The following LRRC69 variants were observed in gnomAD, a reference collection of about 807,000 sequenced individuals.
The protein encoded by LRRC69 is leucine-rich repeat-containing protein 69.
Under a neutral mutation model 37.8 loss-of-function variants are expected in LRRC69, and 42 were observed. That is an observed-to-expected ratio of 1.11 (90% CI 0.87 to 1.44). LRRC69 has a LOEUF of 1.44. Ranked by LOEUF, LRRC69 falls within the 40% of genes most tolerant of loss-of-function variation. The pLI is 0.00. For synonymous variants in LRRC69, 141 were observed against 143.1 expected (o/e 0.99, Z 0.11); for missense variants, 357 against 401.9 (o/e 0.89, Z 0.96).
intron 5 of LRRC69, among the ~76,000 whole-genome samples, chr8:91,143,453 C>T (rs1238814688): frequency 1.3e-5 from 2 of 152,016 alleles, no homozygotes; most frequent in African/African-American, 4.8e-5. Context: ...TCACTGCTTT[C>T]TTTCAGTTTC....
intron 4 of LRRC69, among the ~76,000 whole-genome samples, chr8:91,134,670 A>G (rs531909750): frequency 1.3e-5 from 2 of 152,022 alleles, no homozygotes; most frequent in Non-Finnish European, 2.9e-5. Context: ...GTTGACACCT[A>G]AAATTAACCA....
At chr8:91,191,818 G>A (rs1809500422) in intron 6 of LRRC69, among the ~76,000 whole-genome samples, 1 of 151,974 alleles carries the variant, frequency 6.6e-6, no homozygotes, top group Admixed American at 6.6e-5. Context: ...AGAACTGTTG[G>A]GTCCAGGAGC....
intron 5 of LRRC69, among the ~76,000 whole-genome samples, chr8:91,175,086 A>G (rs912613915): frequency 2.0e-5 from 3 of 152,148 alleles, no homozygotes; most frequent in African/African-American, 7.2e-5. Flanking sequence ...ATTCTATGAC[A>G]TGTTGAAATT....
At chr8:91,111,623 G>T (rs1215113482) in intron 1 of LRRC69, among the ~76,000 whole-genome samples, 1 of 151,980 alleles carries the variant, frequency 6.6e-6, no homozygotes, top group African/African-American at 2.4e-5. Context: ...GCAAACTAAT[G>T]CAGGAATGGA....
intron 7 of LRRC69, among the ~76,000 whole-genome samples, chr8:91,214,531 A>G (rs375677258): frequency 2.6e-5 from 4 of 152,180 alleles, no homozygotes; most frequent in East Asian, 1.9e-4. Context: ...ACACTAAGCT[A>G]TAATTTAGTG....
At chr8:91,162,925 T>G (rs901936447) in intron 5 of LRRC69, among the ~76,000 whole-genome samples, 2 of 151,400 alleles carry the variant, frequency 1.3e-5, no homozygotes, top group Non-Finnish European at 3.0e-5. Context: ...CCCATTAGAT[T>G]ATGTATTTCA....
At chr8:91,119,077 G>A (rs866204416) in intron 1 of LRRC69, among the ~76,000 whole-genome samples, 2 of 152,000 alleles carry the variant, frequency 1.3e-5, no homozygotes, top group African/African-American at 4.8e-5. Context: ...CAACATAGAA[G>A]CATTGTAGAG....
intron 5 of LRRC69, among the ~76,000 whole-genome samples, chr8:91,179,767 C>T (rs977173868): frequency 6.6e-6 from 1 of 152,094 alleles, no homozygotes; most frequent in African/African-American, 2.4e-5. Context: ...TAAACGTATG[C>T]TAGATCAGGA....
At chr8:91,165,001 TA>T (rs769961774) in intron 5 of LRRC69, among the ~76,000 whole-genome samples, 4 of 151,654 alleles carry the variant, frequency 2.6e-5, no homozygotes, top group Admixed American at 6.6e-5. Context: ...CTAACTCCTA[TA>T]GGCTCACTTT....
chr8:91,217,338 A>G (rs1810069661), intron 7 of LRRC69, among the ~76,000 whole-genome samples: 1 of 152,210 alleles, frequency 6.6e-6, no homozygotes, highest in African/African-American at 2.4e-5. Flanking sequence ...TCATGTCTAA[A>G]TTAGGTTTCC....
rs1031448971 is a variant in LRRC69 at position 91,150,718 on chromosome 8, AT to A, written c.651+14987del. Among the ~76,000 whole-genome samples, 4 of 149,716 alleles carry A rather than the reference AT, an allele frequency of 2.7e-5. No homozygotes were observed. The East Asian group carries it at 7.9e-4, about 30-fold the overall frequency. On this transcript the variant is annotated intron_variant, in intron 5 of 7. Transcript: ENST00000448384. ...CGGCTGTGAATCCATCTGGTCCTGG[AT>A]TTTTTTTGGTTGGTAAGCTATTAAT...
exon 1 of LRRC69, chr8:91,102,790 C>T (rs1813243154): frequency 1.3e-6 from 2 of 1,551,746 alleles, no homozygotes; most frequent in African/African-American, 1.4e-5. Context: ...AGACTCTAGT[C>T]CTTCAGAATA....
intron 1 of LRRC69, 51 bp from the exon 2 acceptor site, chr8:91,124,442 C>T: frequency 7.2e-7 from 1 of 1,385,556 alleles, no homozygotes. Context: ...TTCTTTTTTT[C>T]ATTTGAAGTT....
intron 6 of LRRC69, among the ~76,000 whole-genome samples, chr8:91,194,482 T>C (rs920281950): frequency 5.0e-4 from 76 of 152,174 alleles, no homozygotes; most frequent in Non-Finnish European, 6.6e-4. Flanking sequence ...GGTCCTGGAC[T>C]CTTTTTGGTT....
At chr8:91,191,040 A>ACC (rs1563619102) in intron 6 of LRRC69, among the ~76,000 whole-genome samples, 20 of 80,440 alleles carry the variant, frequency 2.5e-4, no homozygotes, top group Non-Finnish European at 4.3e-4. Context: ...TCCTGTCTCA[A>ACC]ACCCCCCCCC....
intron 7 of LRRC69, among the ~76,000 whole-genome samples, chr8:91,212,294 G>A (rs1218920559): frequency 6.6e-6 from 1 of 152,016 alleles, no homozygotes; most frequent in East Asian, 1.9e-4. Flanking sequence ...CCCAAGATAT[G>A]CATTTAATAG....
intron 7 of LRRC69, among the ~76,000 whole-genome samples, chr8:91,206,458 A>G (rs1809806918): frequency 6.6e-6 from 1 of 152,222 alleles, no homozygotes; most frequent in Admixed American, 6.5e-5. Flanking sequence ...TTGATCACAT[A>G]TGTAGCTATC....
chr8:91,104,106 G>A (rs1301115458), intron 1 of LRRC69, among the ~76,000 whole-genome samples: 2 of 151,826 alleles, frequency 1.3e-5, no homozygotes, highest in Admixed American at 1.3e-4. Context: ...TTATATTAAT[G>A]TATCTATTGT....
At chr8:91,165,636 G>C (rs1287586002) in intron 5 of LRRC69, among the ~76,000 whole-genome samples, 1 of 151,654 alleles carries the variant, frequency 6.6e-6, no homozygotes, top group Non-Finnish European at 1.5e-5. Context: ...GAGAATTATA[G>C]CTGATTCAAG....
Sources: allele counts gnomAD v4.1 joint callset (sites outside exome capture counted in the v4.1 genomes callset), GRCh38; gene constraint gnomAD v4.1.1; transcripts MANE v1.5; gene names NCBI Gene and HGNC (gene_info 2026-07-23, HGNC 2026-07-21).